The following VPS13A variants were observed in gnomAD, a reference collection of about 807,000 sequenced individuals.
The protein encoded by VPS13A is vacuolar protein sorting 13 homolog A.
A neutral mutation model predicts 390.9 loss-of-function variants in VPS13A; 264 were observed. The observed-to-expected ratio is 0.68, with a 90% CI of 0.61 to 0.75. VPS13A has a LOEUF of 0.75. VPS13A is among the 30% of genes least tolerant of loss of function. The pLI is 0.00. For missense variants in VPS13A, 3,409 were observed against 3,733.9 expected (o/e 0.91, Z 2.27); for synonymous variants, 1,231 against 1,227.1 (o/e 1.00, Z -0.07).
intron 68 of VPS13A, among the ~76,000 whole-genome samples, 166 bp from the exon 69 acceptor site, chr9:77,403,070 G>T (rs1834457273): frequency 2.6e-5 from 4 of 152,140 alleles, no homozygotes; most frequent in Non-Finnish European, 5.9e-5. Flanking sequence ...GCAAGTAGAT[G>T]CTTTTAAAAA....
chr9:77,282,238 G>A lies in VPS13A; in HGVS notation c.3082G>A (p.Glu1028Lys). 6.2e-7 allele frequency: 1 copy of A among 1,613,186 alleles called. No homozygotes were observed. The highest frequency in any genetic ancestry group is 8.5e-7 in the Non-Finnish European group (1 of 1,179,722). ...EEKSAPVSTTETEDKGDVIKK... is the reference protein window; with the variant it reads ...EEKSAPVSTTKTEDKGDVIKK... ...AAAATCAGCCCCAGTGTCCACTACAGAGACTGAAGACAAAGGAGATGTCAT... is the reference window on the plus strand; with the variant it reads ...AAAATCAGCCCCAGTGTCCACTACAAAGACTGAAGACAAAGGAGATGTCAT... Residue 1028 changes from glutamate to lysine, a missense_variant, in exon 29 of 72, where the codon GAG becomes AAG. Glu to Lys is a moderately conservative substitution (Grantham distance 56, BLOSUM62 1). Transcript: ENST00000360280.
At chr9:77,219,375 C>T (rs1291799548) in intron 10 of VPS13A, among the ~76,000 whole-genome samples, 1 of 152,110 alleles carries the variant, frequency 6.6e-6, no homozygotes, top group Non-Finnish European at 1.5e-5. Context: ...TCTGCTATTA[C>T]TGGTCTTCCT....
Position 77,275,592 on chromosome 9 carries a change from A to G in VPS13A, c.2607A>G (p.Leu869=), listed in dbSNP as rs1204771156. 6.2e-7 allele frequency: 1 copy of G among 1,613,602 alleles called. No individual in the cohort carries two copies. The highest frequency in any genetic ancestry group is 1.7e-5 in the Admixed American group (1 of 60,018). The change falls in exon 25 of 72, where the codon TTA becomes TTG. Residue 869 remains leucine (L), a synonymous_variant. Transcript: ENST00000360280. Reference sequence around the variant, plus strand: ...TTAAAAGTATTCGAACCAGAAAGTTACAAAAGCAGGATTGTTCAGTAAATA... The same window carrying G: ...TTAAAAGTATTCGAACCAGAAAGTTGCAAAAGCAGGATTGTTCAGTAAATA... ...TGVKSIRTRK[L]QKQDCSVNMT...
At chr9:77,342,374 TTA>T (rs898872161) in intron 50 of VPS13A, among the ~76,000 whole-genome samples, 5 of 150,936 alleles carry the variant, frequency 3.3e-5, no homozygotes, top group African/African-American at 7.3e-5. Context: ...ACCTGACACT[TTA>T]TGTTTTTCAC....
At chr9:77,348,775 G>C (rs1831304421) in intron 52 of VPS13A, among the ~76,000 whole-genome samples, 1 of 152,184 alleles carries the variant, frequency 6.6e-6, no homozygotes, top group South Asian at 2.1e-4. Flanking sequence ...TGTACACACA[G>C]ATAGTGAATA....
chr9:77,405,769 T>C, intron 69 of VPS13A, 95 bp from the exon 70 acceptor site: 1 of 1,482,496 alleles, frequency 6.7e-7, no homozygotes, highest in South Asian at 1.1e-5. Context: ...TGATGAATAT[T>C]GCATTTGCAC....
chr9:77,240,485 T>G (rs1025988356), intron 19 of VPS13A, among the ~76,000 whole-genome samples: 32 of 150,396 alleles, frequency 2.1e-4, no homozygotes, highest in South Asian at 4.2e-4. Context: ...TTTGTTTTTT[T>G]TTTTTTTTTT....
intron 71 of VPS13A, among the ~76,000 whole-genome samples, chr9:77,415,675 T>C (rs1835143078): frequency 6.6e-6 from 1 of 152,128 alleles, no homozygotes; most frequent in South Asian, 2.1e-4. Flanking sequence ...TTGGAAGGAA[T>C]TTTTTTCTTT....
chr9:77,178,812 G>A (rs565276820), intron 1 of VPS13A, among the ~76,000 whole-genome samples: 1 of 152,320 alleles, frequency 6.6e-6, no homozygotes, highest in East Asian at 1.9e-4. Context: ...TGTGTGTGAA[G>A]TGTGTGTGTT....
intron 22 of VPS13A, among the ~76,000 whole-genome samples, chr9:77,253,180 G>C (rs1467202435): frequency 1.1e-4 from 17 of 152,152 alleles, no homozygotes; most frequent in Admixed American, 1.1e-3. Context: ...TAATAGGTGT[G>C]AAGTGATGTC....
At chr9:77,413,984 A>T (rs1368340903) in intron 71 of VPS13A, among the ~76,000 whole-genome samples, 1 of 152,242 alleles carries the variant, frequency 6.6e-6, no homozygotes, top group African/African-American at 2.4e-5. Context: ...AAGACACATG[A>T]AAAAATGCTC....
At chr9:77,288,616 T>C (rs1382315386) in intron 31 of VPS13A, among the ~76,000 whole-genome samples, 1 of 152,226 alleles carries the variant, frequency 6.6e-6, no homozygotes, top group Non-Finnish European at 1.5e-5. Flanking sequence ...AAATTCATTA[T>C]GGTCAGGGGA....
intron 34 of VPS13A, among the ~76,000 whole-genome samples, chr9:77,306,914 T>A (rs867010300): frequency 4.6e-4 from 69 of 150,386 alleles, no homozygotes; most frequent in African/African-American, 1.3e-3. Flanking sequence ...CTCTTTATTT[T>A]TTTTTTTTTT....
intron 52 of VPS13A, among the ~76,000 whole-genome samples, chr9:77,348,351 C>T (rs1364686199): frequency 6.6e-6 from 1 of 152,122 alleles, no homozygotes; most frequent in African/African-American, 2.4e-5. Context: ...AGCTATTATC[C>T]TCAGCAACAA....
At chr9:77,283,964 CTTTTT>C (rs779066797) in intron 31 of VPS13A, among the ~76,000 whole-genome samples, 1 of 129,622 alleles carries the variant, frequency 7.7e-6, no homozygotes, top group Non-Finnish European at 1.7e-5. Flanking sequence ...ACCTTTTTCA[CTTTTT>C]TTTTTTTTTT....
chr9:77,179,398 G>C (rs1823864735), intron 1 of VPS13A, among the ~76,000 whole-genome samples: 1 of 152,068 alleles, frequency 6.6e-6, no homozygotes, highest in Non-Finnish European at 1.5e-5. Flanking sequence ...CACCACGCCC[G>C]GCTAATTTTT....
At chr9:77,224,869 T>G (rs151278370) in intron 13 of VPS13A, among the ~76,000 whole-genome samples, 113 of 152,320 alleles carry the variant, frequency 7.4e-4, no homozygotes, top group African/African-American at 2.6e-3. Context: ...AGTCAATTGA[T>G]GTGGCAAACT....
intron 19 of VPS13A, among the ~76,000 whole-genome samples, chr9:77,242,531 G>T (rs977095842): frequency 2.6e-5 from 4 of 151,876 alleles, no homozygotes; most frequent in African/African-American, 9.7e-5. Context: ...AAACTGTAGG[G>T]TTTGCATTTA....
chr9:77,385,751 CAGA>C (rs946902989), intron 68 of VPS13A, among the ~76,000 whole-genome samples: 1 of 152,054 alleles, frequency 6.6e-6, no homozygotes, highest in African/African-American at 2.4e-5. Flanking sequence ...TTGACTACAG[CAGA>C]AGCTCAGTAT....
Sources: allele counts gnomAD v4.1 joint callset (sites outside exome capture counted in the v4.1 genomes callset), GRCh38; gene constraint gnomAD v4.1.1; transcripts MANE v1.5; gene names NCBI Gene and HGNC (gene_info 2026-07-23, HGNC 2026-07-21).